Variants in KCNK10 observed in about 807,000 individuals in gnomAD.
KCNK10 encodes potassium two pore domain channel subfamily K member 10, also known as potassium channel subfamily K member 10.
A neutral mutation model predicts 47.7 loss-of-function variants in KCNK10; 25 were observed. The ratio of observed to expected loss-of-function variants is 0.52; its 90% CI spans 0.38 to 0.73. The LOEUF (loss-of-function observed/expected upper bound fraction) is 0.73. KCNK10 is among the 30% of genes least tolerant of loss of function. KCNK10 has a pLI of 0.00. For synonymous variants in KCNK10, 303 were observed against 285.6 expected, an observed-to-expected ratio of 1.06 and a Z score of -0.61; for missense variants, 563 against 714.5, an observed-to-expected ratio of 0.79 and a Z score of 2.42.
intron 1 of KCNK10, among the ~76,000 whole-genome samples, chr14:88,272,014 G>A (rs1036572209): frequency 6.6e-6 from 1 of 151,678 alleles, no homozygotes; most frequent in Non-Finnish European, 1.5e-5. Flanking sequence ...CAGGGGGAAG[G>A]TTGGACTTCA....
upstream of KCNK10, among the ~76,000 whole-genome samples, chr14:88,325,451 T>G (rs1183077492): frequency 1.3e-5 from 2 of 152,212 alleles, no homozygotes; most frequent in Non-Finnish European, 1.5e-5. Context: ...TTGCAGAAGC[T>G]GTAACTGGCC....
Position 88,180,926 on chromosome 14 carries a change from C to T in KCNK10, c.*4609G>A. The T allele has an allele frequency of 2.5e-6, 1 of 398,478 alleles. No individual in the cohort carries two copies. The highest frequency in any genetic ancestry group is 1.3e-4 in the South Asian group (1 of 7,816). 24.7% of individuals were successfully genotyped at this position (398,478 alleles called of 1,614,324 possible). A position where few individuals can be genotyped will look rare whatever the true frequency, so the allele number is the denominator to read the frequency against. On this transcript the variant is annotated 3_prime_UTR_variant, in exon 7 of 7. Transcript: ENST00000319231. ...AGTGATCTTTGTTTCAGAGAGTTAC[C>T]CTTTTTCTTTTTAAGGCCATTACTA...
At chr14:88,266,087 G>C (rs1234634312) in intron 1 of KCNK10, among the ~76,000 whole-genome samples, 1 of 152,074 alleles carries the variant, frequency 6.6e-6, no homozygotes, top group African/African-American at 2.4e-5. Context: ...AGCTCCATGA[G>C]GGCAGGCACC....
intron 2 of KCNK10, among the ~76,000 whole-genome samples, chr14:88,242,881 T>A (rs1886521621): frequency 6.6e-6 from 1 of 152,192 alleles, no homozygotes; most frequent in Non-Finnish European, 1.5e-5. Flanking sequence ...TAGGCTTCAG[T>A]CACTTAGGTT....
chr14:88,316,779 T>A (rs1888438354), intron 1 of KCNK10, among the ~76,000 whole-genome samples: 1 of 152,218 alleles, frequency 6.6e-6, no homozygotes, highest in Non-Finnish European at 1.5e-5. Context: ...TTCCATTTTA[T>A]CATTAAACTC....
chr14:88,209,700 C>G (rs758804872), intron 4 of KCNK10, among the ~76,000 whole-genome samples: 2 of 152,220 alleles, frequency 1.3e-5, no homozygotes, highest in Non-Finnish European at 2.9e-5. Flanking sequence ...GCCCCACCCA[C>G]CTCCATGCCC....
At chr14:88,252,578 C>T (rs1358385976) in intron 2 of KCNK10, among the ~76,000 whole-genome samples, 1 of 152,158 alleles carries the variant, frequency 6.6e-6, no homozygotes, top group East Asian at 1.9e-4. Context: ...CTAGTCCTCT[C>T]ATCTGCAGAA....
chr14:88,187,881 T>C, intron 6 of KCNK10, 86 bp downstream of exon 6: 1 of 1,109,362 alleles, frequency 9.0e-7, no homozygotes, highest in Non-Finnish European at 1.3e-6. Context: ...CCAGAAACAC[T>C]CCAGCCCACA....
intron 2 of KCNK10, among the ~76,000 whole-genome samples, chr14:88,246,219 C>T (rs1215730506): frequency 1.4e-5 from 2 of 147,066 alleles, no homozygotes; most frequent in East Asian, 4.1e-4. Context: ...GCCCAGATCG[C>T]GCCACTGCAC....
intron 4 of KCNK10, among the ~76,000 whole-genome samples, chr14:88,222,942 C>T (rs1885864157): frequency 6.6e-6 from 1 of 152,154 alleles, no homozygotes; most frequent in African/African-American, 2.4e-5. Flanking sequence ...AGGCTTCTTG[C>T]TATGTGAGAT....
At chr14:88,253,026 T>C (rs968530143) in intron 2 of KCNK10, among the ~76,000 whole-genome samples, 11 of 152,200 alleles carry the variant, frequency 7.2e-5, no homozygotes, top group Non-Finnish European at 1.5e-4. Context: ...CAGAGAGATC[T>C]AGCTAGACTC....
rs1393318139 is a variant in KCNK10 at position 88,181,453 on chromosome 14, ATGTC to A, written c.*4078_*4081del. On this transcript the variant is annotated 3_prime_UTR_variant, in exon 7 of 7. Transcript: ENST00000319231. ...GTGTGTGTGTGTGAGAGAGAGAGAG[ATGTC>A]TGTCTGATCATAGTACTTGAATTCA... The A allele has an allele frequency of 2.0e-5, 3 of 151,628 alleles. No homozygotes were observed. The highest frequency in any genetic ancestry group is 3.8e-4 in the East Asian group (2 of 5,286). The allele number at this position is 151,628 out of a possible 1,614,324, so 9.4% of individuals were successfully genotyped here.
rs146861633 is a variant in KCNK10, at chr14:88,216,288, C to T, written c.681+11087G>A. 6.8e-4 allele frequency among the ~76,000 whole-genome samples: 104 copies of T among 152,274 alleles called. 3 individuals carry two copies. In the Middle Eastern group the frequency reaches 0.027, roughly 40 times the overall value. On this transcript the variant is annotated intron_variant, in intron 4 of 6. Transcript: ENST00000319231. ...CCAGAGCTCGTGTGGAAGATTTGGA[C>T]AGGGGACCAGGGCATGCACCTGGTA...
intron 3 of KCNK10, among the ~76,000 whole-genome samples, chr14:88,229,851 G>A (rs1399392471): frequency 6.6e-6 from 1 of 152,110 alleles, no homozygotes; most frequent in Non-Finnish European, 1.5e-5. Flanking sequence ...TGGATTTGGG[G>A]ATCTAGTTAC....
intron 2 of KCNK10, among the ~76,000 whole-genome samples, chr14:88,256,970 C>T (rs184596690): frequency 6.6e-6 from 1 of 152,252 alleles, no homozygotes; most frequent in African/African-American, 2.4e-5. Flanking sequence ...TCACTCAGCT[C>T]ATTAAGTGGT....
chr14:88,259,627 T>A (rs879276022), intron 2 of KCNK10, among the ~76,000 whole-genome samples: 4 of 152,104 alleles, frequency 2.6e-5, no homozygotes, highest in Non-Finnish European at 5.9e-5. Flanking sequence ...CATCTAATTT[T>A]TGTAACTTTT....
At chr14:88,326,002 T>G (rs1388321467), upstream of KCNK10, among the ~76,000 whole-genome samples, 3 of 152,032 alleles carry the variant, frequency 2.0e-5, no homozygotes, top group Admixed American at 6.5e-5. Flanking sequence ...AGGATCAGTG[T>G]CTAGTGCTCC....
intron 1 of KCNK10, among the ~76,000 whole-genome samples, chr14:88,298,406 T>C (rs185963152): frequency 2.0e-5 from 3 of 152,272 alleles, no homozygotes; most frequent in Admixed American, 2.0e-4. Context: ...CGCCTTCCCC[T>C]CCTCATCCAT....
At chr14:88,298,950 A>G (rs1474953992) in intron 1 of KCNK10, among the ~76,000 whole-genome samples, 1 of 152,110 alleles carries the variant, frequency 6.6e-6, no homozygotes, top group African/African-American at 2.4e-5. Context: ...CCCTCTGCTG[A>G]ACACCCTCCA....
Sources: gnomAD v4.1 joint callset for allele counts (sites outside exome capture counted in the v4.1 genomes callset) on GRCh38, gnomAD v4.1.1 for gene constraint, MANE v1.5 for transcripts, NCBI Gene and HGNC (gene_info 2026-07-23, HGNC 2026-07-21) for gene names.